OLA1: variants seen among roughly 807,000 people sequenced by gnomAD.
The protein encoded by OLA1 is obg-like ATPase 1.
OLA1 carries 14 observed loss-of-function variants against 48.4 expected under a neutral mutation model. The observed-to-expected ratio is 0.29, with a 90% confidence interval of 0.19 to 0.45. The LOEUF is 0.45. OLA1 is among the 20% of genes least tolerant of loss of function. OLA1 has a pLI of 1.00. For missense variants in OLA1, 325 were observed against 467.1 expected (o/e 0.70, Z 2.80); for synonymous variants, 127 against 150.4 (o/e 0.84, Z 1.14).
At chr2:174,085,148 C>T (rs1299437213) in intron 7 of OLA1, among the ~76,000 whole-genome samples, 1 of 152,202 alleles carries the variant, frequency 6.6e-6, no homozygotes, top group East Asian at 1.9e-4. Flanking sequence ...GTAGTGATTC[C>T]ACAGCAAGGG....
intron 4 of OLA1, among the ~76,000 whole-genome samples, chr2:174,165,261 T>G (rs1426323508): frequency 6.6e-6 from 1 of 152,132 alleles, no homozygotes; most frequent in Non-Finnish European, 1.5e-5. Flanking sequence ...ATATTTAAAA[T>G]GGGATACAGC....
chr2:174,078,891 TATC>T lies in OLA1; in HGVS notation c.1089+74_1089+76del, dbSNP rs1684803757. On this transcript the variant is annotated intron_variant, in intron 10 of 10. Transcript: ENST00000284719. ...GACTACACTCAGTTTAAAAGATAAT[TATC>T]ATTCATTTTTATCATGACTAACTTC... The T allele has an allele frequency of 2.1e-6, 3 of 1,423,658 alleles. No homozygotes were observed. The African/African-American group carries it at 4.3e-5, about 20-fold the overall frequency. The allele number at this position is 1,423,658 out of a possible 1,614,324, so 88.2% of individuals were successfully genotyped here. A position where few individuals can be genotyped will look rare whatever the true frequency, so the allele number is the denominator to read the frequency against.
chr2:174,153,912 GC>G (rs1468940612), intron 4 of OLA1, among the ~76,000 whole-genome samples: 4 of 152,118 alleles, frequency 2.6e-5, no homozygotes, highest in African/African-American at 9.7e-5. Context: ...TGTTGCCCAG[GC>G]TGGAGTGCAG....
chr2:174,229,261 C>T, intron 3 of OLA1, 47 bp downstream of exon 3: 8 of 1,567,016 alleles, frequency 5.1e-6, no homozygotes, highest in Non-Finnish European at 7.0e-6. Flanking sequence ...AAACATCTGC[C>T]CAATCTACAC....
At chr2:174,173,494 AT>A (rs1319509719) in intron 4 of OLA1, among the ~76,000 whole-genome samples, 2 of 152,128 alleles carry the variant, frequency 1.3e-5, no homozygotes, top group Non-Finnish European at 2.9e-5. Context: ...ATTGTTTTGT[AT>A]TTGTTCAAGT....
intron 2 of OLA1, among the ~76,000 whole-genome samples, chr2:174,233,965 G>A (rs896485655): frequency 2.0e-5 from 3 of 152,162 alleles, no homozygotes; most frequent in Non-Finnish European, 2.9e-5. Flanking sequence ...GAACAACACT[G>A]GTTTGAAATG....
intron 7 of OLA1, among the ~76,000 whole-genome samples, chr2:174,116,444 C>T (rs1429687071): frequency 1.3e-5 from 2 of 152,032 alleles, no homozygotes; most frequent in African/African-American, 4.8e-5. Context: ...ATAGATATGC[C>T]AATTCACTTT....
intron 2 of OLA1, chr2:174,240,264 A>G (rs912894060): frequency 7.2e-5 from 11 of 152,156 alleles, no homozygotes; most frequent in African/African-American, 2.7e-4. Flanking sequence ...CTCCTTAGAC[A>G]ACCTAGTGAT....
chr2:174,078,076 G>T (rs562463180), intron 10 of OLA1, among the ~76,000 whole-genome samples: 3 of 151,770 alleles, frequency 2.0e-5, no homozygotes, highest in Non-Finnish European at 2.9e-5. Flanking sequence ...CCTCTTCCTG[G>T]TGTTCCAACA....
rs539483469 is a variant in OLA1, at chr2:174,110,289, C to T, written c.728+12891G>A. 2.0e-4 allele frequency among the ~76,000 whole-genome samples: 30 copies of T among 149,250 alleles called. No homozygotes were observed. The South Asian group carries it at 6.5e-3, about 32-fold the overall frequency. Reference sequence around the variant, plus strand: ...AAGTAGCTGGGATTACAGGCATGTGCCACCATGCTTGGATTTTTTTTTTTT... The same window carrying T: ...AAGTAGCTGGGATTACAGGCATGTGTCACCATGCTTGGATTTTTTTTTTTT... On this transcript the variant is annotated intron_variant, in intron 7 of 10. Coordinates refer to ENST00000284719, the MANE Select transcript of OLA1 (RefSeq NM_013341.5).
At chr2:174,159,116 C>T (rs1004164770) in intron 4 of OLA1, among the ~76,000 whole-genome samples, 3 of 152,028 alleles carry the variant, frequency 2.0e-5, no homozygotes, top group Admixed American at 6.6e-5. Flanking sequence ...TTTCTTTTTT[C>T]AAAAGGTACT....
At chr2:174,096,219 T>C (rs572501312) in intron 7 of OLA1, among the ~76,000 whole-genome samples, 4 of 152,286 alleles carry the variant, frequency 2.6e-5, no homozygotes, top group African/African-American at 9.6e-5. Context: ...ATAGCCTCAA[T>C]AGGCAAATCC....
Position 174,123,665 on chromosome 2 carries a change from C to T in OLA1, c.560G>A (p.Cys187Tyr). The T allele has an allele frequency of 6.4e-7, 1 of 1,572,138 alleles. No individual in the cohort carries two copies. The highest frequency in any genetic ancestry group is 1.2e-5 in the South Asian group (1 of 86,158). Residue 187 changes from cysteine to tyrosine, a missense_variant, in exon 6 of 11, where the codon TGC becomes TAC. Transcript: ENST00000284719. ...ATCTATAACCCAGGATTTTACTTTG[C>T]ACATTATATCCTACACATGATTGAG... ...KKLKPEYDIM[C>Y]KVKSWVIDQK...
At chr2:174,095,549 G>C (rs963003893) in intron 7 of OLA1, among the ~76,000 whole-genome samples, 2 of 151,938 alleles carry the variant, frequency 1.3e-5, no homozygotes, top group African/African-American at 4.8e-5. Context: ...TTGTTGTAAA[G>C]TTTATTTGTG....
intron 2 of OLA1, among the ~76,000 whole-genome samples, chr2:174,231,562 G>C (rs1688729756): frequency 6.6e-6 from 1 of 151,972 alleles, no homozygotes. Flanking sequence ...TATGTTTTGT[G>C]ATTTTTTAAA....
At chr2:174,125,094 T>C (rs1686016795) in intron 5 of OLA1, among the ~76,000 whole-genome samples, 2 of 152,318 alleles carry the variant, frequency 1.3e-5, no homozygotes, top group South Asian at 4.2e-4. Context: ...AAGTGCTATA[T>C]TACAAATGCA....
At chr2:174,085,614 A>G (rs1216555970) in intron 7 of OLA1, among the ~76,000 whole-genome samples, 1 of 152,194 alleles carries the variant, frequency 6.6e-6, no homozygotes, top group South Asian at 2.1e-4. Context: ...TTAAATTAAT[A>G]TCAAATTTCC....
Position 174,229,454 on chromosome 2 carries a change from A to G in OLA1, c.102-3T>C, listed in dbSNP as rs1214639499. 1 of 1,602,156 alleles carries G rather than the reference A, an allele frequency of 6.2e-7. No individual in the cohort carries two copies. The highest frequency in any genetic ancestry group is 1.8e-5 in the Admixed American group (1 of 56,910). On this transcript the variant is annotated splice_polypyrimidine_tract_variant and splice_region_variant and intron_variant, in intron 2 of 10. Transcript: ENST00000284719. ...ACACATTGAAGAAAGTAGATTTCCT[A>G]AAACAAATAAAAGCAATTTCAATCA...
At chr2:174,106,462 G>C (rs1397280498) in intron 7 of OLA1, among the ~76,000 whole-genome samples, 1 of 152,026 alleles carries the variant, frequency 6.6e-6, no homozygotes, top group Non-Finnish European at 1.5e-5. Context: ...ATAGATAAAT[G>C]AGTTTACCTC....
Sources: gnomAD v4.1 joint callset for allele counts (sites outside exome capture counted in the v4.1 genomes callset) on GRCh38, gnomAD v4.1.1 for gene constraint, MANE v1.5 for transcripts, NCBI Gene and HGNC (gene_info 2026-07-23, HGNC 2026-07-21) for gene names.